The following PCDH15 variants were observed in gnomAD, a reference collection of about 807,000 sequenced individuals.
The protein encoded by PCDH15 is protocadherin-15.
PCDH15 carries 129 observed loss-of-function variants against 178.5 expected under a neutral mutation model. That is an observed-to-expected ratio of 0.72 (90% CI 0.63 to 0.84). The LOEUF (loss-of-function observed/expected upper bound fraction) is 0.84. Ranked by LOEUF, PCDH15 falls within the 40% of genes least tolerant of loss-of-function variation. PCDH15 has a pLI of 0.00. For missense variants in PCDH15, 2,230 were observed against 2,099.9 expected (o/e 1.06, Z -1.21); for synonymous variants, 800 against 732.0 (o/e 1.09, Z -1.50).
rs1169302544 is a variant in PCDH15, at chr10:54,174,702, C to CTTTTTTTTTTTTT, written c.1590+8729_1590+8741dup. The stretch of plus-strand genomic sequence containing the variant: ...CTTCTTTCTTTTTTCTTTTTCTTTT[C>CTTTTTTTTTTTTT]TTTTTTTTTTTTTTTTTTTTTGAGA... On this transcript the variant is annotated intron_variant, in intron 13 of 37. Transcript: ENST00000644397. Among the ~76,000 whole-genome samples the CTTTTTTTTTTTTT allele has an allele frequency of 3.1e-3, 263 of 84,020 alleles. 3 individuals carry two copies. The highest frequency in any genetic ancestry group is 3.4e-3 in the Non-Finnish European group (160 of 46,764). 55.1% of individuals were successfully genotyped at this position (84,020 alleles called of 152,430 possible).
At chr10:55,050,690 T>C (rs1841140103) in intron 2 of PCDH15, among the ~76,000 whole-genome samples, 1 of 152,078 alleles carries the variant, frequency 6.6e-6, no homozygotes, top group Non-Finnish European at 1.5e-5. Flanking sequence ...TTTATTTTTC[T>C]CCTTAAAATC....
intron 21 of PCDH15, among the ~76,000 whole-genome samples, chr10:53,968,783 G>C (rs1038194427): frequency 4.6e-5 from 7 of 152,198 alleles, no homozygotes; most frequent in Admixed American, 2.0e-4. Flanking sequence ...TCCAGCAGCT[G>C]ACGGTCCTGA....
Position 54,599,929 on chromosome 10 carries a change from AAGG to A in PCDH15, c.91+64240_91+64242del, listed in dbSNP as rs2092445602. 7 of 852,814 alleles carry A rather than the reference AAGG, an allele frequency of 8.2e-6. No individual in the cohort carries two copies. In the Admixed American group the frequency reaches 1.2e-4, roughly 15 times the overall value. The allele number at this position is 852,814 out of a possible 1,614,324, so 52.8% of individuals were successfully genotyped here. A position where few individuals can be genotyped will look rare whatever the true frequency, so the allele number is the denominator to read the frequency against. On this transcript the variant is annotated intron_variant, in intron 2 of 37. Transcript: ENST00000644397. ...GGAAAAGAGTGAGGAAGTGGCCACTAAGGAGGAGTTGGTGGCAGACACCAAGGT... is the reference window on the plus strand; with the variant it reads ...GGAAAAGAGTGAGGAAGTGGCCACTAAGGAGTTGGTGGCAGACACCAAGGT...
intron 7 of PCDH15, among the ~76,000 whole-genome samples, chr10:54,323,677 G>C (rs574450203): frequency 1.3e-5 from 2 of 152,148 alleles, no homozygotes; most frequent in East Asian, 3.9e-4. Flanking sequence ...AGTGCCCAGG[G>C]AAATAAACCT....
intron 2 of PCDH15, among the ~76,000 whole-genome samples, chr10:55,367,485 G>A (rs1845395412): frequency 1.3e-5 from 2 of 152,042 alleles, no homozygotes. Context: ...GGAGGCTGAG[G>A]TGGGAAGGTA....
intron 32 of PCDH15, chr10:53,821,098 G>C (rs2076245821): frequency 2.0e-6 from 2 of 978,752 alleles, no homozygotes; most frequent in Non-Finnish European, 2.4e-6. Context: ...CCTTACAAAA[G>C]TCAACGACTC....
chr10:54,944,897 C>T (rs1395553722), intron 2 of PCDH15, among the ~76,000 whole-genome samples: 1 of 151,780 alleles, frequency 6.6e-6, no homozygotes, highest in Non-Finnish European at 1.5e-5. Flanking sequence ...GACTGAATAA[C>T]TTAAATGGAC....
intron 26 of PCDH15, among the ~76,000 whole-genome samples, chr10:53,892,072 C>T (rs958123459): frequency 7.6e-5 from 11 of 145,174 alleles, no homozygotes; most frequent in African/African-American, 2.4e-4. Flanking sequence ...TCGCCCAGGC[C>T]GGAGTGCCGT....
chr10:54,540,770 T>C (rs967206221), intron 2 of PCDH15, among the ~76,000 whole-genome samples: 8 of 151,990 alleles, frequency 5.3e-5, no homozygotes, highest in African/African-American at 1.2e-4. Context: ...CAAAATACTT[T>C]CAAACCAAAT....
intron 21 of PCDH15, among the ~76,000 whole-genome samples, chr10:53,973,103 C>T (rs935879586): frequency 3.3e-5 from 5 of 151,942 alleles, no homozygotes; most frequent in African/African-American, 1.2e-4. Context: ...ATGGAATACT[C>T]TGCAGCCATA....
chr10:55,194,643 A>G (rs1398239750), intron 1 of PCDH15, among the ~76,000 whole-genome samples: 1 of 152,084 alleles, frequency 6.6e-6, no homozygotes, highest in Non-Finnish European at 1.5e-5. Flanking sequence ...ATGGAGGAAT[A>G]AGACATATAC....
At chr10:55,525,316 C>G (rs1053937034) in intron 2 of PCDH15, among the ~76,000 whole-genome samples, 1 of 151,712 alleles carries the variant, frequency 6.6e-6, no homozygotes, top group Admixed American at 6.6e-5. Context: ...TTATTAAAAA[C>G]TGCTACAACC....
rs187654151 is a variant in PCDH15 at position 54,812,339 on chromosome 10, C to T, written c.-29+85111G>A. 2.1e-3 allele frequency among the ~76,000 whole-genome samples: 316 copies of T among 149,138 alleles called. 2 individuals are homozygous for T. Among genetic ancestry groups the T allele is most frequent in the Non-Finnish European group, 3.4e-3 (230 of 67,630 alleles). On this transcript the variant is annotated intron_variant, in intron 3 of 5. Coordinates refer to the PCDH15 transcript ENST00000458638. The stretch of plus-strand genomic sequence containing the variant: ...AGGCTGAAGTGCAATGGCAGGATCT[C>T]GGCTCATTGCAACCTCTGCCTCCTG...
intron 2 of PCDH15, among the ~76,000 whole-genome samples, chr10:54,535,709 C>CAAAAAA (rs71010382): frequency 4.9e-4 from 21 of 42,568 alleles, no homozygotes; most frequent in East Asian, 1.4e-3. Flanking sequence ...GACTCCACCT[C>CAAAAAA]AAAAAAAAAA....
intron 21 of PCDH15, among the ~76,000 whole-genome samples, chr10:53,975,696 A>G (rs546684946): frequency 2.6e-5 from 4 of 152,202 alleles, no homozygotes; most frequent in Admixed American, 6.5e-5. Context: ...ATAGTTCATA[A>G]ACACTTTCTC....
At chr10:53,970,415 A>G (rs1452622488) in intron 21 of PCDH15, among the ~76,000 whole-genome samples, 3 of 152,116 alleles carry the variant, frequency 2.0e-5, no homozygotes, top group Non-Finnish European at 4.4e-5. Flanking sequence ...ATAATGGGGG[A>G]CTTTAACACC....
chr10:54,508,295 A>C (rs2081338816), intron 3 of PCDH15, among the ~76,000 whole-genome samples: 2 of 152,074 alleles, frequency 1.3e-5, no homozygotes, highest in Admixed American at 6.6e-5. Context: ...ACTTAGAGGC[A>C]TTGCAGCATG....
At chr10:54,799,540 G>C (rs1254262901) in intron 1 of PCDH15, among the ~76,000 whole-genome samples, 4 of 152,012 alleles carry the variant, frequency 2.6e-5, no homozygotes, top group Non-Finnish European at 5.9e-5. Flanking sequence ...CTGACACTTA[G>C]GTAGCACAAA....
rs370848123 is a variant in PCDH15 at position 54,239,432 on chromosome 10, T to TAGAGAGAGAGAGAG, written c.877-2502_877-2501insCTCTCTCTCTCTCT. ...GTGATTAAATATATATATATATATATAGAGTAAGAACTGAAGAACTAAAAA... is the reference window on the plus strand; with the variant it reads ...GTGATTAAATATATATATATATATATAGAGAGAGAGAGAGAGAGTAAGAACTGAAGAACTAAAAA... On this transcript the variant is annotated intron_variant, in intron 8 of 37. Coordinates refer to ENST00000644397, the MANE Select transcript of PCDH15 (RefSeq NM_001384140.1). Among the ~76,000 whole-genome samples, 567 of 150,632 alleles carry TAGAGAGAGAGAGAG rather than the reference T, an allele frequency of 3.8e-3. 4 individuals are homozygous for TAGAGAGAGAGAGAG. Among genetic ancestry groups the TAGAGAGAGAGAGAG allele is most frequent in the African/African-American group, 0.012 (505 of 41,048 alleles).
Sources: gnomAD v4.1 joint callset for allele counts (sites outside exome capture counted in the v4.1 genomes callset) on GRCh38, gnomAD v4.1.1 for gene constraint, MANE v1.5 for transcripts, NCBI Gene and HGNC (gene_info 2026-07-23, HGNC 2026-07-21) for gene names.